OTULINL: variants seen among roughly 807,000 people sequenced by gnomAD.
OTULINL encodes the protein inactive ubiquitin thioesterase OTULINL.
A neutral mutation model predicts 43.9 loss-of-function variants in OTULINL; 42 were observed. The ratio of observed to expected loss-of-function variants is 0.96; its 90% confidence interval spans 0.75 to 1.24. OTULINL has a LOEUF of 1.24. Ranked by LOEUF, OTULINL falls within the 50% of genes most tolerant of loss-of-function variation. The probability of loss-of-function intolerance (pLI) is 0.00; values close to 1 mark genes in which losing one functional copy is unlikely to be tolerated. For missense variants in OTULINL, 411 were observed against 426.4 expected (o/e 0.96, Z 0.32); for synonymous variants, 172 against 153.6 (o/e 1.12, Z -0.88).
intron 1 of OTULINL, among the ~76,000 whole-genome samples, chr5:14,587,065 C>T (rs1326550223): frequency 6.6e-6 from 1 of 152,134 alleles, no homozygotes; most frequent in East Asian, 1.9e-4. Flanking sequence ...CAGTCTGTGT[C>T]TGTCCTCTAA....
chr5:14,599,637 A>T (rs1759348891), intron 1 of OTULINL, among the ~76,000 whole-genome samples: 1 of 152,330 alleles, frequency 6.6e-6, no homozygotes, highest in East Asian at 1.9e-4. Flanking sequence ...GGAGTTAATC[A>T]CTGGAATTTT....
intron 1 of OTULINL, among the ~76,000 whole-genome samples, chr5:14,593,688 C>G (rs569703824): frequency 1.3e-5 from 2 of 152,320 alleles, no homozygotes; most frequent in Admixed American, 1.3e-4. Flanking sequence ...GGGTTGCATT[C>G]AACATCTCTA....
At position 14,606,950 on chromosome 5, in the gene OTULINL, C is replaced by T. The variant is rs142168914; in HGVS notation, c.499-380C>T. On this transcript the variant is annotated intron_variant, in intron 5 of 7. Coordinates refer to ENST00000274217, the MANE Select transcript of OTULINL (RefSeq NM_019018.3). ...ATTGCTAAATGAGGTAAGTTTGGGC[C>T]GGGTGCTGTGGCTCACACCTGTAAT... Among the ~76,000 whole-genome samples the T allele has an allele frequency of 2.4e-3, 366 of 152,226 alleles. 5 individuals carry two copies. The highest frequency in any genetic ancestry group is 8.0e-3 in the African/African-American group (334 of 41,516).
rs769673611 is a variant in OTULINL, at chr5:14,610,279, G to A, written c.1036G>A (p.Glu346Lys). ...CTGGCCGGAGATCTCCCTGCTGACC[G>A]AGAACGACCGCCACTACCACATTCC... ...RDWPEISLLT[E>K]NDRHYHIPVF Residue 346 changes from glutamate to lysine, a missense_variant, in exon 8 of 8, where the codon GAG (glutamate) becomes AAG (lysine). Coordinates refer to ENST00000274217, the MANE Select transcript of OTULINL (RefSeq NM_019018.3). 3.1e-6 allele frequency: 5 copies of A among 1,612,372 alleles called. No homozygotes were observed. The Admixed American group carries it at 5.0e-5, about 16-fold the overall frequency.
intron 1 of OTULINL, among the ~76,000 whole-genome samples, chr5:14,597,148 T>C (rs1759301353): frequency 6.6e-6 from 1 of 152,082 alleles, no homozygotes; most frequent in Non-Finnish European, 1.5e-5. Flanking sequence ...GTTACTAGAG[T>C]AATAACAATA....
intron 1 of OTULINL, among the ~76,000 whole-genome samples, chr5:14,587,292 T>C (rs1759116428): frequency 6.6e-6 from 1 of 152,192 alleles, no homozygotes; most frequent in Admixed American, 6.5e-5. Flanking sequence ...GTCTTCCGAA[T>C]GCACCACGTG....
At chr5:14,582,271 C>G (rs1759016749) in intron 1 of OTULINL, among the ~76,000 whole-genome samples, 1 of 151,852 alleles carries the variant, frequency 6.6e-6, no homozygotes, top group Non-Finnish European at 1.5e-5. Flanking sequence ...TCTTTGGGGT[C>G]GGGGTCCCCT....
At chr5:14,597,024 A>C (rs969377007) in intron 1 of OTULINL, among the ~76,000 whole-genome samples, 6 of 152,118 alleles carry the variant, frequency 3.9e-5, no homozygotes, top group Non-Finnish European at 8.8e-5. Context: ...CATTCATACC[A>C]TAGTATATCA....
At chr5:14,601,830 C>G (rs1254437259) in intron 4 of OTULINL, among the ~76,000 whole-genome samples, 1 of 152,114 alleles carries the variant, frequency 6.6e-6, no homozygotes, top group Non-Finnish European at 1.5e-5. Flanking sequence ...GGTAAATATC[C>G]CCAGCAGTGC....
chr5:14,608,490 A>G (rs947793902), intron 6 of OTULINL, among the ~76,000 whole-genome samples: 1 of 152,162 alleles, frequency 6.6e-6, no homozygotes, highest in African/African-American at 2.4e-5. Context: ...ATCACGTCCC[A>G]AAGGACACAC....
intron 1 of OTULINL, among the ~76,000 whole-genome samples, chr5:14,596,949 A>G (rs1759298043): frequency 6.6e-6 from 1 of 152,116 alleles, no homozygotes; most frequent in African/African-American, 2.4e-5. Context: ...ACCTCCAATC[A>G]TCATATGAAT....
At chr5:14,601,315 G>T in intron 3 of OTULINL, 36 bp from the exon 4 acceptor site, 1 of 1,611,062 alleles carries the variant, frequency 6.2e-7, no homozygotes, top group Non-Finnish European at 8.5e-7. Flanking sequence ...AGAAGAAAGG[G>T]AGAATTAACA....
intron 5 of OTULINL, among the ~76,000 whole-genome samples, chr5:14,606,937 G>A (rs1406831491): frequency 6.6e-6 from 1 of 152,156 alleles, no homozygotes; most frequent in Non-Finnish European, 1.5e-5. Flanking sequence ...TGCTAAATGA[G>A]GTAAGTTTGG....
chr5:14,602,390 A>C, intron 5 of OTULINL, 58 bp downstream of exon 5: 2 of 1,508,660 alleles, frequency 1.3e-6, no homozygotes, highest in Non-Finnish European at 1.8e-6. Context: ...TGCAACTCAG[A>C]CTCCTAGTCT....
intron 6 of OTULINL, 45 bp from the exon 7 acceptor site, chr5:14,608,703 C>T (rs1759520914): frequency 6.7e-7 from 1 of 1,483,502 alleles, no homozygotes; most frequent in African/African-American, 1.4e-5. Flanking sequence ...TGGTATATGT[C>T]TTCACCTTTA....
chr5:14,615,986 C>T lies in OTULINL; in HGVS notation c.*5672C>T, dbSNP rs576305455. Among the ~76,000 whole-genome samples the T allele has an allele frequency of 6.6e-6, 1 of 152,328 alleles. No individual in the cohort carries two copies. The highest frequency in any genetic ancestry group is 1.9e-4 in the East Asian group (1 of 5,188). On this transcript the variant is annotated 3_prime_UTR_variant, in exon 8 of 8. Transcript: ENST00000274217. ...TTCCTTTTGAAACATCATTGTAAAA[C>T]AGTGCTTTTTAAACTATCCATGGTA...
intron 1 of OTULINL, among the ~76,000 whole-genome samples, chr5:14,597,066 T>C (rs1488995009): frequency 2.6e-5 from 4 of 152,236 alleles, no homozygotes; most frequent in Non-Finnish European, 5.9e-5. Context: ...CTGGCTCTTC[T>C]ACTTACTGGC....
Position 14,616,033 on chromosome 5 carries a change from T to G in OTULINL, c.*5719T>G, listed in dbSNP as rs1759667109. ...GGTAAAGGATGAGTTTTAAAAATTC[T>G]AATCCTTTGCAGGTTGGTAGTTTTA... On this transcript the variant is annotated 3_prime_UTR_variant, in exon 8 of 8. Transcript: ENST00000274217. 6.6e-6 allele frequency among the ~76,000 whole-genome samples: 1 copy of G among 152,266 alleles called. No homozygotes were observed. Among genetic ancestry groups the G allele is most frequent in the African/African-American group, 2.4e-5 (1 of 41,478 alleles).
intron 1 of OTULINL, among the ~76,000 whole-genome samples, chr5:14,590,460 G>A (rs1356199032): frequency 2.0e-5 from 3 of 152,208 alleles, no homozygotes; most frequent in African/African-American, 7.2e-5. Context: ...GAGTAGCAAT[G>A]TTCTATAAAG....
Sources: allele counts gnomAD v4.1 joint callset (sites outside exome capture counted in the v4.1 genomes callset), GRCh38; gene constraint gnomAD v4.1.1; transcripts MANE v1.5; gene names NCBI Gene and HGNC (gene_info 2026-07-23, HGNC 2026-07-21).